AKAP19: variants seen among roughly 807,000 people sequenced by gnomAD.
The protein encoded by AKAP19 is small A-kinase anchoring protein.
chr2:190,088,074 T>C, the AKAP19 span, among the ~76,000 whole-genome samples: 3 of 152,190 alleles, frequency 2.0e-5, no homozygotes, highest in Admixed American at 6.5e-5. Flanking sequence ...TATGTATAGC[T>C]GATATTATTA....
the AKAP19 span, among the ~76,000 whole-genome samples, chr2:189,901,908 A>G: frequency 6.6e-6 from 1 of 152,128 alleles, no homozygotes; most frequent in East Asian, 1.9e-4. Flanking sequence ...TAAACTCATA[A>G]TTTATTATAA....
At chr2:190,025,418 C>T in the AKAP19 span, among the ~76,000 whole-genome samples, 4 of 152,100 alleles carry the variant, frequency 2.6e-5, no homozygotes, top group Non-Finnish European at 2.9e-5. Context: ...AGAACATTCA[C>T]ATATGATAAA....
At chr2:190,099,329 T>C in the AKAP19 span, among the ~76,000 whole-genome samples, 25 of 152,208 alleles carry the variant, frequency 1.6e-4, no homozygotes, top group African/African-American at 5.8e-4. Flanking sequence ...GGTTATTAAC[T>C]GGCCTAATTT....
At chr2:190,125,189 C>A in the AKAP19 span, among the ~76,000 whole-genome samples, 1 of 152,152 alleles carries the variant, frequency 6.6e-6, no homozygotes, top group Non-Finnish European at 1.5e-5. Flanking sequence ...CCAGCACCAC[C>A]ACAATCATGT....
the AKAP19 span, among the ~76,000 whole-genome samples, chr2:190,088,433 T>C: frequency 2.0e-5 from 3 of 152,280 alleles, no homozygotes; most frequent in East Asian, 5.8e-4. Flanking sequence ...CTTTGCTTAG[T>C]ACATTATCAA....
At chr2:190,071,245 C>G in the AKAP19 span, among the ~76,000 whole-genome samples, 1 of 152,100 alleles carries the variant, frequency 6.6e-6, no homozygotes, top group Admixed American at 6.6e-5. Flanking sequence ...GCCAGGAGTT[C>G]AAGACCAGTT....
At chr2:190,064,048 T>C in the AKAP19 span, among the ~76,000 whole-genome samples, 4 of 152,280 alleles carry the variant, frequency 2.6e-5, no homozygotes, top group African/African-American at 9.6e-5. Flanking sequence ...ATCAAATATT[T>C]ATTTTTAAAG....
At chr2:190,198,576 G>A in the AKAP19 span, among the ~76,000 whole-genome samples, 1 of 139,248 alleles carries the variant, frequency 7.2e-6, no homozygotes, top group African/African-American at 2.7e-5. Context: ...AGGCTACAGT[G>A]AGCCGTGATT....
At chr2:190,200,235 TAAC>T in the AKAP19 span, 1 of 1,050,286 alleles carries the variant, frequency 9.5e-7, no homozygotes, top group Non-Finnish European at 1.4e-6. Context: ...AAAGTACAAA[TAAC>T]TATCTGGATT....
chr2:189,960,867 C>G, the AKAP19 span, among the ~76,000 whole-genome samples: 3 of 152,128 alleles, frequency 2.0e-5, no homozygotes, highest in Admixed American at 6.5e-5. Flanking sequence ...TACAGAGATT[C>G]CTTTCTTGGA....
At chr2:190,013,325 A>T in the AKAP19 span, among the ~76,000 whole-genome samples, 1 of 152,022 alleles carries the variant, frequency 6.6e-6, no homozygotes, top group Non-Finnish European at 1.5e-5. Flanking sequence ...TTTCTTCATG[A>T]TTCAGCCTTG....
the AKAP19 span, among the ~76,000 whole-genome samples, chr2:190,002,486 T>C: frequency 6.6e-6 from 1 of 152,128 alleles, no homozygotes; most frequent in Non-Finnish European, 1.5e-5. Flanking sequence ...GGCACATGTA[T>C]ACATATGTAA....
the AKAP19 span, among the ~76,000 whole-genome samples, chr2:190,089,366 C>A: frequency 6.6e-6 from 1 of 151,846 alleles, no homozygotes; most frequent in African/African-American, 2.4e-5. Flanking sequence ...TTTTTTGCCT[C>A]TGAGAACTGT....
At chr2:190,137,765 C>A in the AKAP19 span, 1 of 6,054 alleles carries the variant, frequency 1.7e-4, no homozygotes, top group Non-Finnish European at 1.1e-3. Context: ...TGGCTGGGAG[C>A]CAGCTGTTGT....
chr2:189,902,186 A>T, the AKAP19 span, among the ~76,000 whole-genome samples: 1 of 151,980 alleles, frequency 6.6e-6, no homozygotes, highest in Non-Finnish European at 1.5e-5. Context: ...ATCTATTAAA[A>T]TTTTATGTAT....
the AKAP19 span, among the ~76,000 whole-genome samples, chr2:189,996,092 C>G: frequency 6.6e-6 from 1 of 152,256 alleles, no homozygotes; most frequent in Admixed American, 6.5e-5. Flanking sequence ...ATCTTTTGCA[C>G]TGAATTTCCG....
At chr2:189,901,040 G>A in the AKAP19 span, among the ~76,000 whole-genome samples, 1 of 152,162 alleles carries the variant, frequency 6.6e-6, no homozygotes, top group South Asian at 2.1e-4. Context: ...TGGACCAGAG[G>A]AAAGGCAGAC....
chr2:189,981,024 T>A, the AKAP19 span, among the ~76,000 whole-genome samples: 1 of 152,202 alleles, frequency 6.6e-6, no homozygotes, highest in East Asian at 1.9e-4. Flanking sequence ...ATTCTGTAGA[T>A]GTTTGTTAGG....
the AKAP19 span, among the ~76,000 whole-genome samples, chr2:190,013,422 G>A: frequency 7.2e-5 from 11 of 151,814 alleles, no homozygotes; most frequent in Admixed American, 2.6e-4. Flanking sequence ...TTATAATCCT[G>A]TGTATTTCTG....
Sources: gnomAD v4.1 joint callset for allele counts (sites outside exome capture counted in the v4.1 genomes callset) on GRCh38, gnomAD v4.1.1 for gene constraint, MANE v1.5 for transcripts, NCBI Gene and HGNC (gene_info 2026-07-23, HGNC 2026-07-21) for gene names.